The following NEURL1B variants were observed in gnomAD, a reference collection of about 807,000 sequenced individuals.
NEURL1B encodes the protein E3 ubiquitin-protein ligase NEURL1B.
A neutral mutation model predicts 37.4 loss-of-function variants in NEURL1B; 13 were observed. The ratio of observed to expected loss-of-function variants is 0.35; its 90% CI spans 0.23 to 0.55. The LOEUF (loss-of-function observed/expected upper bound fraction) is 0.55, where lower values mean the gene tolerates loss of function less well. Ranked by LOEUF, NEURL1B falls within the 20% of genes least tolerant of loss-of-function variation. The pLI is 0.89. For missense variants in NEURL1B, 790 were observed against 879.2 expected, an observed-to-expected ratio of 0.90 and a Z score of 1.28; for synonymous variants, 432 against 426.6, an observed-to-expected ratio of 1.01 and a Z score of -0.16.
chr5:172,644,302 G>A (rs1041449398), intron 1 of NEURL1B, among the ~76,000 whole-genome samples: 1 of 152,118 alleles, frequency 6.6e-6, no homozygotes, highest in Admixed American at 6.5e-5. Context: ...AAAGTGGCTT[G>A]TCCCAGCTCA....
intron 1 of NEURL1B, among the ~76,000 whole-genome samples, chr5:172,645,957 C>A (rs1237773993): frequency 6.6e-6 from 1 of 152,204 alleles, no homozygotes; most frequent in Non-Finnish European, 1.5e-5. Flanking sequence ...TCTTTAATGA[C>A]ATAGAATTTT....
chr5:172,645,934 G>A (rs1015070872), intron 1 of NEURL1B, among the ~76,000 whole-genome samples: 5 of 152,178 alleles, frequency 3.3e-5, no homozygotes, highest in Non-Finnish European at 5.9e-5. Context: ...GTTGTGACCA[G>A]CTGTAAAAAA....
chr5:172,662,392 T>A (rs1209583888), intron 1 of NEURL1B: 1 of 153,106 alleles, frequency 6.5e-6, no homozygotes, highest in Non-Finnish European at 1.5e-5. Context: ...CAAACTGTGA[T>A]GTAGAAATAA....
chr5:172,679,288 C>T (rs1009744145), intron 2 of NEURL1B, among the ~76,000 whole-genome samples: 15 of 152,254 alleles, frequency 9.9e-5, no homozygotes, highest in African/African-American at 3.4e-4. Context: ...CCTCAGTGTT[C>T]TCCCACTGTG....
At chr5:172,671,317 G>A (rs1758126183) in intron 2 of NEURL1B, among the ~76,000 whole-genome samples, 1 of 152,168 alleles carries the variant, frequency 6.6e-6, no homozygotes, top group African/African-American at 2.4e-5. Context: ...AGGGAGAGCA[G>A]GTTTGTCAGG....
At position 172,683,144 on chromosome 5, in the gene NEURL1B, G is replaced by T. The variant is rs776140694; in HGVS notation, c.578-275G>T. Among the ~76,000 whole-genome samples the T allele has an allele frequency of 2.0e-5, 3 of 152,190 alleles. No individual in the cohort carries two copies. Among genetic ancestry groups the T allele is most frequent in the Non-Finnish European group, 4.4e-5 (3 of 68,032 alleles). ...AAAAGGAGGGATGGAAGAAGAGAAA[G>T]GAGGAGGCAGGGGAAAAAGGGCCTT... On this transcript the variant is annotated intron_variant, in intron 2 of 4. Transcript: ENST00000369800. The surrounding 1 kb of genome is among the most constrained non-coding windows in gnomAD (Gnocchi z 5.6).
At chr5:172,642,097 G>A (rs1245673743) in intron 1 of NEURL1B, among the ~76,000 whole-genome samples, 8 of 152,252 alleles carry the variant, frequency 5.3e-5, no homozygotes, top group African/African-American at 1.9e-4. Flanking sequence ...GGTTAACGGG[G>A]TAGGAGGAGG....
chr5:172,678,835 CT>C (rs2113322528), intron 2 of NEURL1B, among the ~76,000 whole-genome samples: 1 of 152,336 alleles, frequency 6.6e-6, no homozygotes, highest in East Asian at 1.9e-4. Context: ...TTGTCCCTGC[CT>C]TCATTTTCGT....
rs562096480 is a variant in NEURL1B at position 172,642,836 on chromosome 5, G to A, written c.31+1399G>A. Among the ~76,000 whole-genome samples, 13 of 152,326 alleles carry A rather than the reference G, an allele frequency of 8.5e-5. No individual in the cohort carries two copies. In the East Asian group the frequency reaches 1.5e-3, roughly 18 times the overall value. ...GTGGCCTCTACCTCCTGTGGACAGG[G>A]CTATTGCCAGGTTGGGGGAGAACCC... On this transcript the variant is annotated intron_variant, in intron 1 of 4. Coordinates refer to ENST00000369800, the MANE Select transcript of NEURL1B (RefSeq NM_001142651.3).
chr5:172,685,312 A>C (rs1019762725), intron 3 of NEURL1B, among the ~76,000 whole-genome samples: 2 of 152,178 alleles, frequency 1.3e-5, no homozygotes, highest in East Asian at 3.9e-4. Context: ...TTATTTGGTC[A>C]GAGTGTTTTT....
At chr5:172,652,180 C>T (rs896691227) in intron 1 of NEURL1B, among the ~76,000 whole-genome samples, 11 of 152,328 alleles carry the variant, frequency 7.2e-5, no homozygotes, top group African/African-American at 1.7e-4. Flanking sequence ...GGATGGCCCT[C>T]GGGGGCTGAC....
rs546822038 is a variant in NEURL1B at position 172,668,260 on chromosome 5, C to T, written c.32-1525C>T. Among the ~76,000 whole-genome samples the T allele has an allele frequency of 1.2e-4, 19 of 152,280 alleles. 1 individual carries two copies. In the South Asian group the frequency reaches 2.9e-3, roughly 23 times the overall value. On this transcript the variant is annotated intron_variant, in intron 1 of 4. Transcript: ENST00000369800. Reference sequence around the variant, plus strand: ...TGCCTGGCATGGTGCCTGGCACATACTAGACACTCCCTTCATATGTGTTAA... The same window carrying T: ...TGCCTGGCATGGTGCCTGGCACATATTAGACACTCCCTTCATATGTGTTAA...
At chr5:172,655,688 A>T (rs1027393047) in intron 1 of NEURL1B, among the ~76,000 whole-genome samples, 1 of 150,432 alleles carries the variant, frequency 6.6e-6, no homozygotes, top group Non-Finnish European at 1.5e-5. Flanking sequence ...TTGCTGCAGT[A>T]TGTGAGGATC....
intron 1 of NEURL1B, among the ~76,000 whole-genome samples, chr5:172,645,101 T>C (rs576706976): frequency 6.6e-6 from 1 of 152,330 alleles, no homozygotes; most frequent in African/African-American, 2.4e-5. Context: ...GAGGAAAGTG[T>C]GTTGATCCCG....
rs1007420193 is a variant in NEURL1B at position 172,647,464 on chromosome 5, C to T, written c.31+6027C>T. 1.5e-4 allele frequency among the ~76,000 whole-genome samples: 23 copies of T among 151,936 alleles called. No homozygotes were observed. Among genetic ancestry groups the T allele is most frequent in the African/African-American group, 5.6e-4 (23 of 41,346 alleles). On this transcript the variant is annotated intron_variant, in intron 1 of 4. Transcript: ENST00000369800. The surrounding 1 kb of genome is among the most constrained non-coding windows in gnomAD (Gnocchi z 4.2). ...AGTGAGACCTGCCCGGCCCAGGTGG[C>T]CAGGAAGTGGCAGAGTGAATTGGAT...
rs1220488170 is a variant in NEURL1B at position 172,676,501 on chromosome 5, G to T, written c.577+6171G>T. On this transcript the variant is annotated intron_variant, in intron 2 of 4. Coordinates refer to ENST00000369800, the MANE Select transcript of NEURL1B (RefSeq NM_001142651.3). This position sits in a 1 kb window ranked among gnomAD's most constrained non-coding sequence, Gnocchi z 4.5. ...CTTGAACCCATCTCCATGGCCAGGG[G>T]CATAGGATGAAGTGATTGGCCAGGT... is the stretch of plus-strand genomic sequence containing the variant. Among the ~76,000 whole-genome samples, 1 of 152,226 alleles carries T rather than the reference G, an allele frequency of 6.6e-6. No individual in the cohort carries two copies. The highest frequency in any genetic ancestry group is 1.5e-5 in the Non-Finnish European group (1 of 68,046).
In NEURL1B at chr5:172,665,656, A is replaced by T. The variant is rs1194938726; in HGVS notation, c.32-4129A>T. Among the ~76,000 whole-genome samples, 3 of 151,970 alleles carry T rather than the reference A, an allele frequency of 2.0e-5. No individual in the cohort carries two copies. On this transcript the variant is annotated intron_variant, in intron 1 of 4. Coordinates refer to ENST00000369800, the MANE Select transcript of NEURL1B (RefSeq NM_001142651.3). The surrounding 1 kb of genome is among the most constrained non-coding windows in gnomAD (Gnocchi z 4.1). The stretch of plus-strand genomic sequence containing the variant: ...CAAGGCAGTGACTGCCCAACCTGGC[A>T]CACCCCCTGCCACACCTACCGTATC...
At position 172,683,820 on chromosome 5, in the gene NEURL1B, G is replaced by A. The variant is rs1434913359; in HGVS notation, c.979G>A (p.Val327Met). 3 of 1,319,970 alleles carry A rather than the reference G, an allele frequency of 2.3e-6. No individual in the cohort carries two copies. Among genetic ancestry groups the A allele is most frequent in the Admixed American group, 3.7e-5 (1 of 27,122 alleles). The allele number at this position is 1,319,970 out of a possible 1,614,324, so 81.8% of individuals were successfully genotyped here. A position where few individuals can be genotyped will look rare whatever the true frequency, so the allele number is the denominator to read the frequency against. ...LRPGESLFVE[V>M]GRPGLAAPGA... is the part of the protein sequence containing the mutation. ...GCCCGGCGAGAGCCTCTTCGTGGAG[G>A]TGGGCCGTCCGGGGCTGGCGGCGCC... Residue 327 changes from valine to methionine, a missense_variant, in exon 3 of 5, where the codon GTG (valine) becomes ATG (methionine). This residue lies in a region of NEURL1B where 460 missense variants were observed against 407.4 expected (regional missense o/e 1.13). Transcript: ENST00000369800. This position sits in a 1 kb window ranked among gnomAD's most constrained non-coding sequence, Gnocchi z 5.6.
Position 172,670,124 on chromosome 5 carries a change from C to T in NEURL1B, c.371C>T (p.Thr124Met). Residue 124 changes from threonine (T) to methionine (M), a missense_variant, in exon 2 of 5, where the codon ACG becomes ATG. Coordinates refer to ENST00000369800, the MANE Select transcript of NEURL1B (RefSeq NM_001142651.3). Reference protein sequence around the residue: ...IPKYACPDLVTRPGYWAKALP... With the variant: ...IPKYACPDLVMRPGYWAKALP... ...AAGTACGCCTGCCCGGACCTGGTCA[C>T]GCGGCCGGGCTACTGGGCCAAGGCA... 1 of 1,517,584 alleles carries T rather than the reference C, an allele frequency of 6.6e-7. No individual in the cohort carries two copies. Among genetic ancestry groups the T allele is most frequent in the Non-Finnish European group, 8.8e-7 (1 of 1,138,914 alleles). 94.0% of individuals were successfully genotyped at this position (1,517,584 alleles called of 1,614,324 possible).
Sources: allele counts gnomAD v4.1 joint callset (sites outside exome capture counted in the v4.1 genomes callset), GRCh38; gene constraint gnomAD v4.1.1; regional missense constraint gnomAD v4.1.1; non-coding constraint Gnocchi (gnomAD v3.1); transcripts MANE v1.5; gene names NCBI Gene and HGNC (gene_info 2026-07-23, HGNC 2026-07-21).